Variants in ABI3BP observed in about 807,000 individuals in gnomAD.
The protein encoded by ABI3BP is ABI family member 3 binding protein.
Under a neutral mutation model 268.6 loss-of-function variants are expected in ABI3BP, and 216 were observed. The ratio of observed to expected loss-of-function variants is 0.80; its 90% confidence interval spans 0.72 to 0.90. ABI3BP has a LOEUF of 0.90. ABI3BP is among the 40% of genes least tolerant of loss of function. ABI3BP has a pLI of 0.00. For missense variants in ABI3BP, 2,090 were observed against 2,182.4 expected (o/e 0.96, Z 0.84); for synonymous variants, 730 against 730.0 (o/e 1.00, Z 0.00).
Position 100,804,847 on chromosome 3 carries a change from A to C in ABI3BP, c.3702T>G (p.Arg1234=). The part of the protein sequence containing the change: ...QTQPVPKVPQ[R]VTAKPKTSPS... ...GTGACGTTTTTGGTTTTGCAGTAAC[A>C]CGCTGGGGCACCTTAGGAACTGAAA... The change falls in exon 51 of 68, where the codon CGT becomes CGG. Residue 1234 remains arginine (R), a synonymous_variant. Transcript: ENST00000471714. The C allele has an allele frequency of 1.2e-6, 2 of 1,613,044 alleles. No homozygotes were observed. Among genetic ancestry groups the C allele is most frequent in the Non-Finnish European group, 1.7e-6 (2 of 1,179,148 alleles).
intron 14 of ABI3BP, among the ~76,000 whole-genome samples, 192 bp downstream of exon 14, chr3:100,862,119 T>A (rs192523839): frequency 5.5e-4 from 84 of 152,332 alleles, no homozygotes; most frequent in African/African-American, 1.9e-3. Flanking sequence ...AGAACAGGTG[T>A]CTTTAAAACA....
At chr3:100,811,820 G>T (rs891965405) in intron 46 of ABI3BP, 21 bp from the exon 47 acceptor site, 66 of 1,532,176 alleles carry the variant, frequency 4.3e-5, no homozygotes, top group Non-Finnish European at 5.7e-5. Context: ...AACGGGAATG[G>T]CTGGTTAGTG....
intron 1 of ABI3BP, among the ~76,000 whole-genome samples, chr3:100,950,520 C>T (rs2074474858): frequency 6.7e-6 from 1 of 149,900 alleles, no homozygotes. Context: ...TGATCTGGGT[C>T]TTGAATGTCA....
chr3:100,941,223 T>C (rs2069061184), intron 1 of ABI3BP, among the ~76,000 whole-genome samples: 1 of 151,810 alleles, frequency 6.6e-6, no homozygotes, highest in Non-Finnish European at 1.5e-5. Context: ...GAACAGCACG[T>C]TCCCTCTCCA....
At chr3:100,948,563 G>A (rs549335054) in intron 1 of ABI3BP, among the ~76,000 whole-genome samples, 2 of 152,292 alleles carry the variant, frequency 1.3e-5, no homozygotes, top group African/African-American at 4.8e-5. Flanking sequence ...GACAGCCTGA[G>A]AATTAAACTG....
At chr3:100,847,980 A>C (rs2098792831) in intron 18 of ABI3BP, among the ~76,000 whole-genome samples, 1 of 152,152 alleles carries the variant, frequency 6.6e-6, no homozygotes, top group Admixed American at 6.6e-5. Flanking sequence ...CTGTGCTATA[A>C]TATATATGTT....
At chr3:100,817,320 T>G in intron 42 of ABI3BP, 116 bp downstream of exon 42, 2 of 660,408 alleles carry the variant, frequency 3.0e-6, no homozygotes, top group Non-Finnish European at 4.8e-6. Flanking sequence ...AGTTGAAGGA[T>G]AGCAGAAGAT....
At chr3:100,821,289 C>T (rs925113969) in intron 38 of ABI3BP, among the ~76,000 whole-genome samples, 176 bp from the exon 39 acceptor site, 5 of 152,082 alleles carry the variant, frequency 3.3e-5, no homozygotes, top group African/African-American at 1.2e-4. Flanking sequence ...TTGACTATAC[C>T]TAACTCAGGT....
intron 14 of ABI3BP, among the ~76,000 whole-genome samples, chr3:100,859,846 T>C (rs780848692): frequency 3.3e-5 from 5 of 152,150 alleles, no homozygotes; most frequent in Non-Finnish European, 7.3e-5. Context: ...CGATGATTCT[T>C]ACTGGTACCA....
chr3:100,864,808 A>T, intron 11 of ABI3BP, 25 bp downstream of exon 11: 1 of 522,824 alleles, frequency 1.9e-6, no homozygotes, highest in Non-Finnish European at 2.6e-6. Context: ...GTTTTTTTAG[A>T]AAAAAAAAAA....
chr3:100,859,792 G>A (rs1374645417), intron 14 of ABI3BP, among the ~76,000 whole-genome samples: 4 of 152,154 alleles, frequency 2.6e-5, no homozygotes, highest in Admixed American at 6.6e-5. Flanking sequence ...GAAAAATCAA[G>A]CTTGTATTGA....
intron 1 of ABI3BP, among the ~76,000 whole-genome samples, chr3:100,946,997 T>C (rs2713763): frequency 0.99 from 150,852 of 152,254 alleles, 74,743 homozygotes; most frequent in East Asian, 1. Context: ...TACATTTTGC[T>C]TTGTAACCAA....
intron 20 of ABI3BP, among the ~76,000 whole-genome samples, chr3:100,845,774 A>C (rs6809404): frequency 0.63 from 95,962 of 151,538 alleles, 30,597 homozygotes; most frequent in Admixed American, 0.65. Flanking sequence ...TCAATATGTT[A>C]CACAATCTTT....
At chr3:100,818,291 G>A (rs1045493340) in intron 41 of ABI3BP, among the ~76,000 whole-genome samples, 4 of 152,156 alleles carry the variant, frequency 2.6e-5, no homozygotes, top group African/African-American at 9.7e-5. Flanking sequence ...GCACATGATC[G>A]CATGACACAT....
chr3:100,770,008 C>T (rs1174687966), intron 62 of ABI3BP, among the ~76,000 whole-genome samples: 2 of 152,216 alleles, frequency 1.3e-5, no homozygotes, highest in Non-Finnish European at 1.5e-5. Flanking sequence ...GCTCCTCTCC[C>T]TTCCTGATGG....
intron 45 of ABI3BP, among the ~76,000 whole-genome samples, chr3:100,812,862 A>C (rs1560346599): frequency 1.3e-5 from 2 of 152,158 alleles, no homozygotes; most frequent in South Asian, 4.1e-4. Context: ...AACATTACTA[A>C]TACTGACTTT....
At position 100,848,817 on chromosome 3, in the gene ABI3BP, C is replaced by T. The variant is rs776776079; in HGVS notation, c.1560G>A (p.Pro520=). The change falls in exon 18 of 68, where the codon CCG becomes CCA. Residue 520 remains proline (P), a synonymous_variant. Coordinates refer to ENST00000471714, the MANE Select transcript of ABI3BP (RefSeq NM_001375547.2). ...GACATTTACCAGGTTTGGTTCTTGG[C>T]GGTTTGGGCCGGGGGCGTCGTTTAG... ...STPKRRPRPK[P]PRTKPERTTS... The T allele has an allele frequency of 1.9e-5, 30 of 1,612,592 alleles. No individual in the cohort carries two copies. Among genetic ancestry groups the T allele is most frequent in the East Asian group, 1.3e-4 (6 of 44,854 alleles).
intron 63 of ABI3BP, among the ~76,000 whole-genome samples, chr3:100,758,388 C>T (rs186243802): frequency 6.6e-6 from 1 of 152,252 alleles, no homozygotes; most frequent in East Asian, 1.9e-4. Flanking sequence ...GTGCTTGACA[C>T]ATAGTAATAA....
At chr3:100,922,835 T>C (rs1366562224) in intron 2 of ABI3BP, among the ~76,000 whole-genome samples, 8 of 152,188 alleles carry the variant, frequency 5.3e-5, no homozygotes, top group African/African-American at 9.7e-5. Context: ...TTTGTAGTAA[T>C]TTGTTTTAGC....
Sources: gnomAD v4.1 joint callset for allele counts (sites outside exome capture counted in the v4.1 genomes callset) on GRCh38, gnomAD v4.1.1 for gene constraint, MANE v1.5 for transcripts, NCBI Gene and HGNC (gene_info 2026-07-23, HGNC 2026-07-21) for gene names.